Variants in CNTNAP2 observed in about 807,000 individuals in gnomAD.
The protein encoded by CNTNAP2 is contactin-associated protein-like 2.
In CNTNAP2, 98 loss-of-function variants were observed where a neutral mutation model predicts 155.2. The observed-to-expected ratio is 0.63, with a 90% CI of 0.54 to 0.75. The LOEUF (loss-of-function observed/expected upper bound fraction) is 0.75, where lower values mean the gene tolerates loss of function less well. Ranked by LOEUF, CNTNAP2 falls within the 30% of genes least tolerant of loss-of-function variation. The pLI, the probability that CNTNAP2 is intolerant of heterozygous loss-of-function variation, is 0.00. For synonymous variants in CNTNAP2, 651 were observed against 631.2 expected, an observed-to-expected ratio of 1.03 and a Z score of -0.47; for missense variants, 1,727 against 1,688.1, an observed-to-expected ratio of 1.02 and a Z score of -0.40.
At chr7:147,231,682 G>A (rs1803684624) in intron 8 of CNTNAP2, among the ~76,000 whole-genome samples, 1 of 152,132 alleles carries the variant, frequency 6.6e-6, no homozygotes. Context: ...CTGATGATTA[G>A]TGATGCTGAG....
rs1229569937 is a variant in CNTNAP2 at position 146,535,378 on chromosome 7, GATATA to G, written c.98-238887_98-238883del. ...ATATTATATAATGTATATTATATAT[GATATA>G]ATATATGATATATATATTATATATG... On this transcript the variant is annotated intron_variant, in intron 1 of 23. Transcript: ENST00000361727. Among the ~76,000 whole-genome samples the G allele has an allele frequency of 1.1e-4, 5 of 45,498 alleles. 1 individual carries two copies. Among genetic ancestry groups the G allele is most frequent in the Admixed American group, 4.1e-4 (2 of 4,902 alleles). 29.8% of individuals were successfully genotyped at this position (45,498 alleles called of 152,430 possible).
chr7:146,441,660 T>C (rs552755537), intron 1 of CNTNAP2, among the ~76,000 whole-genome samples: 1 of 151,478 alleles, frequency 6.6e-6, no homozygotes, highest in Non-Finnish European at 1.5e-5. Flanking sequence ...CTCGCATTCC[T>C]CTCTGGGTTT....
At position 147,451,136 on chromosome 7, in the gene CNTNAP2, T is replaced by A. The variant is rs564946244; in HGVS notation, c.1671-34799T>A. Among the ~76,000 whole-genome samples, 5 of 152,284 alleles carry A rather than the reference T, an allele frequency of 3.3e-5. No homozygotes were observed. In the South Asian group the frequency reaches 1.0e-3, roughly 32 times the overall value. On this transcript the variant is annotated intron_variant, in intron 10 of 23. Transcript: ENST00000361727. ...AGACAGTCAATATACGGGTCCTTTGTTGAGGCAAAAAACTACTCTGGATTA... is the reference window on the plus strand; with the variant it reads ...AGACAGTCAATATACGGGTCCTTTGATGAGGCAAAAAACTACTCTGGATTA...
intron 1 of CNTNAP2, among the ~76,000 whole-genome samples, chr7:146,272,559 G>A (rs7808651): frequency 0.14 from 21,672 of 152,180 alleles, 4,199 homozygotes; most frequent in African/African-American, 0.44. Context: ...AAAAGGTTAA[G>A]ATGTGACCTA....
chr7:148,352,710 A>C lies in CNTNAP2; in HGVS notation c.3476-30939A>C, dbSNP rs572764808. Among the ~76,000 whole-genome samples the C allele has an allele frequency of 7.0e-4, 106 of 152,312 alleles. 2 individuals are homozygous for C. The highest frequency in any genetic ancestry group is 2.4e-3 in the African/African-American group (98 of 41,574). ...AGGTGGAGAAACTGATGGTAGGAGT[A>C]TGGGGGGCTGTGGCTTGCCCAAGTT... is the stretch of plus-strand genomic sequence containing the variant. On this transcript the variant is annotated intron_variant, in intron 21 of 23. Coordinates refer to ENST00000361727, the MANE Select transcript of CNTNAP2 (RefSeq NM_014141.6).
intron 8 of CNTNAP2, among the ~76,000 whole-genome samples, chr7:147,164,828 TG>T (rs1031632454): frequency 6.6e-6 from 1 of 152,220 alleles, no homozygotes; most frequent in Non-Finnish European, 1.5e-5. Flanking sequence ...TGCTCCAGGC[TG>T]GATCTCTTCT....
At chr7:146,435,368 C>G (rs1305639322) in intron 1 of CNTNAP2, among the ~76,000 whole-genome samples, 8 of 152,186 alleles carry the variant, frequency 5.3e-5, no homozygotes, top group African/African-American at 1.9e-4. Flanking sequence ...CTTTTAGACC[C>G]TGCTAAAAAA....
At chr7:146,760,326 T>G (rs1802070606) in intron 1 of CNTNAP2, among the ~76,000 whole-genome samples, 1 of 151,038 alleles carries the variant, frequency 6.6e-6, no homozygotes, top group African/African-American at 2.4e-5. Context: ...TTCAGTCACC[T>G]TCTAAAATAT....
chr7:147,799,693 C>T (rs1797955760), intron 13 of CNTNAP2, among the ~76,000 whole-genome samples: 1 of 152,196 alleles, frequency 6.6e-6, no homozygotes, highest in Non-Finnish European at 1.5e-5. Context: ...AAGACAAGAT[C>T]CTGAGTGAAG....
intron 13 of CNTNAP2, among the ~76,000 whole-genome samples, chr7:147,767,255 CAAACA>C (rs1384276578): frequency 2.6e-5 from 4 of 151,786 alleles, no homozygotes; most frequent in African/African-American, 7.3e-5. Context: ...AGCAAACAAA[CAAACA>C]AAACAAAACA....
At chr7:146,118,766 G>A (rs1797522438) in intron 1 of CNTNAP2, among the ~76,000 whole-genome samples, 1 of 152,090 alleles carries the variant, frequency 6.6e-6, no homozygotes, top group African/African-American at 2.4e-5. Context: ...AGAATTTGAA[G>A]ACAGAGAACA....
At chr7:148,329,961 G>A (rs1797956643) in intron 21 of CNTNAP2, among the ~76,000 whole-genome samples, 1 of 152,152 alleles carries the variant, frequency 6.6e-6, no homozygotes, top group Non-Finnish European at 1.5e-5. Flanking sequence ...CTTATTGACT[G>A]AGGCCCCCAC....
In CNTNAP2 at chr7:146,361,852, A is replaced by G. The variant is rs576669166; in HGVS notation, c.97+244879A>G. 1.1e-3 allele frequency among the ~76,000 whole-genome samples: 162 copies of G among 152,338 alleles called. 2 individuals carry two copies. The highest frequency in any genetic ancestry group is 3.7e-3 in the African/African-American group (153 of 41,588). ...GGCATGAAACAAAATATTGGGCAGT[A>G]CTGCATATTTGAAGTTTTGTAAGCA... is the stretch of plus-strand genomic sequence containing the variant. On this transcript the variant is annotated intron_variant, in intron 1 of 23. Transcript: ENST00000361727.
At chr7:146,985,906 T>A (rs1798107071) in intron 3 of CNTNAP2, among the ~76,000 whole-genome samples, 1 of 152,190 alleles carries the variant, frequency 6.6e-6, no homozygotes, top group Non-Finnish European at 1.5e-5. Flanking sequence ...ACATTTAAAG[T>A]CTGTTTTTAA....
rs202118538 is a variant in CNTNAP2, at chr7:147,151,686, TA to T, written c.1348+19187del. 7.0e-3 allele frequency among the ~76,000 whole-genome samples: 1,041 copies of T among 149,734 alleles called. 12 individuals carry two copies. The highest frequency in any genetic ancestry group is 0.02 in the African/African-American group (828 of 40,958). On this transcript the variant is annotated intron_variant, in intron 8 of 23. Coordinates refer to ENST00000361727, the MANE Select transcript of CNTNAP2 (RefSeq NM_014141.6). Reference sequence around the variant, plus strand: ...TTTTTCTAAAGGGTAAAAACAAAACTAAAAAAAAAATCATGTACACATAAAA... The same window carrying T: ...TTTTTCTAAAGGGTAAAAACAAAACTAAAAAAAAATCATGTACACATAAAA...
In CNTNAP2 at chr7:148,122,039, C is replaced by T. The variant is rs747475451; in HGVS notation, c.2554+3751C>T. Among the ~76,000 whole-genome samples the T allele has an allele frequency of 2.1e-4, 32 of 152,258 alleles. No individual in the cohort carries two copies. The Middle Eastern group carries it at 0.01, about 49-fold the overall frequency. ...GGAGTTATGATAATAACAAAAATAG[C>T]TCAGCTTCATTCAGACTTTCAGGCC... On this transcript the variant is annotated intron_variant, in intron 16 of 23. Coordinates refer to ENST00000361727, the MANE Select transcript of CNTNAP2 (RefSeq NM_014141.6).
chr7:146,788,825 TTTTTG>T (rs372040102), intron 2 of CNTNAP2, among the ~76,000 whole-genome samples: 15 of 152,138 alleles, frequency 9.9e-5, no homozygotes, highest in African/African-American at 2.2e-4. Context: ...TCCACGTGTT[TTTTTG>T]TTTTGTTTTG....
intron 13 of CNTNAP2, among the ~76,000 whole-genome samples, chr7:147,849,566 C>T (rs1349267618): frequency 1.3e-5 from 2 of 152,186 alleles, no homozygotes; most frequent in African/African-American, 2.4e-5. Context: ...AGATGAATCA[C>T]GTCTTTATTT....
At chr7:147,455,496 A>G (rs1797904281) in intron 10 of CNTNAP2, among the ~76,000 whole-genome samples, 1 of 152,124 alleles carries the variant, frequency 6.6e-6, no homozygotes, top group African/African-American at 2.4e-5. Context: ...TCTAAGATGT[A>G]CATCTACATT....
Sources: allele counts gnomAD v4.1 joint callset (sites outside exome capture counted in the v4.1 genomes callset), GRCh38; gene constraint gnomAD v4.1.1; transcripts MANE v1.5; gene names NCBI Gene and HGNC (gene_info 2026-07-23, HGNC 2026-07-21).